IQCH: variants seen among roughly 807,000 people sequenced by gnomAD.
IQCH encodes IQ motif containing H, also known as IQ domain-containing protein H.
A neutral mutation model predicts 117.0 loss-of-function variants in IQCH; 98 were observed. The ratio of observed to expected loss-of-function variants is 0.84; its 90% CI spans 0.71 to 0.99. The LOEUF is 0.99. IQCH is among the 50% of genes least tolerant of loss of function. The probability of loss-of-function intolerance (pLI) is 0.00; values close to 1 mark genes in which losing one functional copy is unlikely to be tolerated. For synonymous variants in IQCH, 412 were observed against 448.2 expected (o/e 0.92, Z 1.02); for missense variants, 1,102 against 1,243.8 (o/e 0.89, Z 1.72).
rs1971185461 is a variant in IQCH at position 67,388,729 on chromosome 15, A to G, written c.1457-102A>G. ...AAATTAACCTTAACCTGGGTTTTGG[A>G]TATGCTCTTTATTTTAAACTGCACA... is the stretch of plus-strand genomic sequence containing the variant. On this transcript the variant is annotated intron_variant, in intron 11 of 20. Coordinates refer to ENST00000335894, the MANE Select transcript of IQCH (RefSeq NM_001031715.3). This position sits in a 1 kb window ranked among gnomAD's most constrained non-coding sequence, Gnocchi z 5.5. 1.0e-6 allele frequency: 1 copy of G among 999,336 alleles called. No individual in the cohort carries two copies. The highest frequency in any genetic ancestry group is 1.5e-6 in the Non-Finnish European group (1 of 668,884). The allele number at this position is 999,336 out of a possible 1,614,324, so 61.9% of individuals were successfully genotyped here. A position where few individuals can be genotyped will look rare whatever the true frequency, so the allele number is the denominator to read the frequency against.
chr15:67,415,778 T>C lies in IQCH; in HGVS notation c.2098-1153T>C, dbSNP rs556434556. 2.3e-4 allele frequency among the ~76,000 whole-genome samples: 35 copies of C among 152,332 alleles called. 1 individual carries two copies. In the South Asian group the frequency reaches 7.1e-3, roughly 31 times the overall value. On this transcript the variant is annotated intron_variant, in intron 14 of 20. Coordinates refer to ENST00000335894, the MANE Select transcript of IQCH (RefSeq NM_001031715.3). ...GCAACCTAAAGTAAATCTGAGTTTT[T>C]CTTGTCAGTGCTCCATATTTTGAAT...
Position 67,381,488 on chromosome 15 carries a change from C to T in IQCH, c.1373-3448C>T, listed in dbSNP as rs567314928. Among the ~76,000 whole-genome samples, 4 of 152,244 alleles carry T rather than the reference C, an allele frequency of 2.6e-5. No homozygotes were observed. In the East Asian group the frequency reaches 5.8e-4, roughly 22 times the overall value. On this transcript the variant is annotated intron_variant, in intron 10 of 20. Transcript: ENST00000335894. This position sits in a 1 kb window ranked among gnomAD's most constrained non-coding sequence, Gnocchi z 5.1. Reference sequence around the variant, plus strand: ...GGCCATAAGAAAAGAGGCTGTGATCCTTTCTATAGTGATGAGGAAGAGAGA... The same window carrying T: ...GGCCATAAGAAAAGAGGCTGTGATCTTTTCTATAGTGATGAGGAAGAGAGA...
chr15:67,455,905 TTG>T (rs748372939), intron 16 of IQCH, among the ~76,000 whole-genome samples: 2 of 152,298 alleles, frequency 1.3e-5, no homozygotes, highest in African/African-American at 4.8e-5. Context: ...CTTATAAAAA[TTG>T]TGTTTTCATG....
At chr15:67,487,737 T>C (rs2083531146) in intron 18 of IQCH, among the ~76,000 whole-genome samples, 1 of 152,150 alleles carries the variant, frequency 6.6e-6, no homozygotes, top group African/African-American at 2.4e-5. Flanking sequence ...CTGTCTGTAC[T>C]AAAGCTCAGA....
At chr15:67,499,621 A>G (rs1176878771) in intron 20 of IQCH, among the ~76,000 whole-genome samples, 1 of 152,198 alleles carries the variant, frequency 6.6e-6, no homozygotes, top group Non-Finnish European at 1.5e-5. Flanking sequence ...AAGTATATTG[A>G]AAACATGTTC....
At chr15:67,318,185 A>G (rs1466958993) in intron 4 of IQCH, among the ~76,000 whole-genome samples, 5 of 152,104 alleles carry the variant, frequency 3.3e-5, no homozygotes, top group African/African-American at 9.7e-5. Flanking sequence ...GTTTGGATGT[A>G]TGATCTTTCT....
At chr15:67,288,400 T>C (rs1966639571) in intron 4 of IQCH, among the ~76,000 whole-genome samples, 1 of 152,150 alleles carries the variant, frequency 6.6e-6, no homozygotes, top group African/African-American at 2.4e-5. Flanking sequence ...GCTCTAATAA[T>C]ATTTGCTTTA....
At chr15:67,448,486 G>A (rs1474743305) in intron 16 of IQCH, among the ~76,000 whole-genome samples, 1 of 147,074 alleles carries the variant, frequency 6.8e-6, no homozygotes, top group African/African-American at 2.5e-5. Context: ...TTGGTTTTTT[G>A]TCCTTGCGAT....
At position 67,456,700 on chromosome 15, in the gene IQCH, G is replaced by C. The variant is rs531895460; in HGVS notation, c.2506-8427G>C. On this transcript the variant is annotated intron_variant, in intron 16 of 20. Transcript: ENST00000335894. The surrounding 1 kb of genome is among the most constrained non-coding windows in gnomAD (Gnocchi z 5.1). Reference sequence around the variant, plus strand: ...ATTTTTAAAACATTGTTATTTTGCTGTTTTCTTTTCATATTTGGGAGCCAG... The same window carrying C: ...ATTTTTAAAACATTGTTATTTTGCTCTTTTCTTTTCATATTTGGGAGCCAG... Among the ~76,000 whole-genome samples the C allele has an allele frequency of 6.6e-6, 1 of 152,128 alleles. No individual in the cohort carries two copies. Among genetic ancestry groups the C allele is most frequent in the African/African-American group, 2.4e-5 (1 of 41,504 alleles).
intron 3 of IQCH, among the ~76,000 whole-genome samples, chr15:67,269,344 C>A (rs867646631): frequency 1.3e-5 from 2 of 152,120 alleles, no homozygotes; most frequent in African/African-American, 2.4e-5. Flanking sequence ...TTTCTTCATT[C>A]AGCTTATTAT....
intron 4 of IQCH, among the ~76,000 whole-genome samples, chr15:67,310,282 G>T (rs1417602424): frequency 1.3e-5 from 2 of 152,012 alleles, no homozygotes; most frequent in Admixed American, 1.3e-4. Context: ...GATCGTCAGT[G>T]GGTTAATTTG....
intron 17 of IQCH, among the ~76,000 whole-genome samples, chr15:67,470,514 A>G (rs961962157): frequency 1.3e-5 from 2 of 152,178 alleles, no homozygotes; most frequent in African/African-American, 2.4e-5. Flanking sequence ...GTAACTGGAC[A>G]TGGTTTCCTA....
chr15:67,278,186 C>G lies in IQCH; in HGVS notation c.270-1209C>G, dbSNP rs114743240. 5.5e-3 allele frequency among the ~76,000 whole-genome samples: 836 copies of G among 152,324 alleles called. 4 individuals carry two copies. Among genetic ancestry groups the G allele is most frequent in the African/African-American group, 0.019 (809 of 41,572 alleles). ...AGACATTTTCTTGAGAGCTTACCTT[C>G]ATTACAGAGAACGGAACGAAGAACA... On this transcript the variant is annotated intron_variant, in intron 3 of 20. Transcript: ENST00000335894.
intron 4 of IQCH, among the ~76,000 whole-genome samples, chr15:67,318,992 C>T (rs1409363138): frequency 2.6e-5 from 4 of 152,082 alleles, no homozygotes; most frequent in Non-Finnish European, 5.9e-5. Context: ...TTTGGGAGGC[C>T]GAGGCAGGCA....
rs1596233980 is a variant in IQCH at position 67,348,747 on chromosome 15, G to A, written c.637+4556G>A. On this transcript the variant is annotated intron_variant, in intron 6 of 20. Coordinates refer to ENST00000335894, the MANE Select transcript of IQCH (RefSeq NM_001031715.3). Reference sequence around the variant, plus strand: ...AATCAGGATCTCAGTAAGATTTTTTGTAGAGATTGAAAAGCTGATTCTAAA... The same window carrying A: ...AATCAGGATCTCAGTAAGATTTTTTATAGAGATTGAAAAGCTGATTCTAAA... Among the ~76,000 whole-genome samples, 2 of 152,250 alleles carry A rather than the reference G, an allele frequency of 1.3e-5. 1 individual carries two copies. The highest frequency in any genetic ancestry group is 4.1e-4 in the South Asian group (2 of 4,828).
At position 67,389,003 on chromosome 15, in the gene IQCH, C is replaced by T; in HGVS notation, c.1629C>T (p.Phe543=). 1 of 1,611,576 alleles carries T rather than the reference C, an allele frequency of 6.2e-7. No individual in the cohort carries two copies. The highest frequency in any genetic ancestry group is 1.3e-5 in the African/African-American group (1 of 74,948). Residue 543 remains phenylalanine (F), a synonymous_variant, in exon 12 of 21, where the codon TTC becomes TTT. Transcript: ENST00000335894. ...TCACACCTGAAGCTGTAAACATCTT[C>T]CCTGTGAGTTTGTGTTCTAATTACT... is the stretch of plus-strand genomic sequence containing the variant. ...KIITPEAVNI[F]PKHHMCLATH...
intron 14 of IQCH, among the ~76,000 whole-genome samples, chr15:67,414,934 T>A (rs1485377820): frequency 1.3e-5 from 2 of 152,136 alleles, no homozygotes; most frequent in Non-Finnish European, 2.9e-5. Context: ...GCTGTGAGAC[T>A]TCCTTTCCTT....
chr15:67,317,841 G>A (rs1363641765), intron 4 of IQCH, among the ~76,000 whole-genome samples: 1 of 152,082 alleles, frequency 6.6e-6, no homozygotes, highest in Non-Finnish European at 1.5e-5. Context: ...TCATGGGCAT[G>A]GTTTTGAGCC....
rs1180266181 is a variant in IQCH at position 67,425,714 on chromosome 15, C to G, written c.2505+4137C>G. ...AGTGTATTGCTTATCAAATTCCACC[C>G]AGAAAACTTAGCATCCATTGGCAAC... On this transcript the variant is annotated intron_variant, in intron 16 of 20. Transcript: ENST00000335894. This position sits in a 1 kb window ranked among gnomAD's most constrained non-coding sequence, Gnocchi z 5.5. Among the ~76,000 whole-genome samples, 2 of 152,138 alleles carry G rather than the reference C, an allele frequency of 1.3e-5. No homozygotes were observed. Among genetic ancestry groups the G allele is most frequent in the Non-Finnish European group, 2.9e-5 (2 of 68,014 alleles).
Sources: gnomAD v4.1 joint callset for allele counts (sites outside exome capture counted in the v4.1 genomes callset) on GRCh38, gnomAD v4.1.1 for gene constraint, Gnocchi (gnomAD v3.1) non-coding constraint, MANE v1.5 for transcripts, NCBI Gene and HGNC (gene_info 2026-07-23, HGNC 2026-07-21) for gene names.